Variants in SCAMP4 observed in about 807,000 individuals in gnomAD.
SCAMP4 encodes secretory carrier membrane protein 4.
SCAMP4 carries 19 observed loss-of-function variants against 32.1 expected under a neutral mutation model. The ratio of observed to expected loss-of-function variants is 0.59; its 90% CI spans 0.41 to 0.87. The LOEUF is 0.87. SCAMP4 is among the 40% of genes least tolerant of loss of function. The probability of loss-of-function intolerance (pLI) is 0.00; values close to 1 mark genes in which losing one functional copy is unlikely to be tolerated. For missense variants in SCAMP4, 302 were observed against 309.0 expected (o/e 0.98, Z 0.17); for synonymous variants, 152 against 132.7 (o/e 1.15, Z -1.00).
chr19:1,917,732 C>T lies in SCAMP4; in HGVS notation c.46C>T (p.Pro16Ser). 2 of 1,614,034 alleles carry T rather than the reference C, an allele frequency of 1.2e-6. No homozygotes were observed. The highest frequency in any genetic ancestry group is 1.7e-6 in the Non-Finnish European group (2 of 1,179,882). Residue 16 changes from proline (P) to serine (S), a missense_variant, in exon 3 of 7, where the codon CCT (proline) becomes TCT (serine). Transcript: ENST00000316097. ...CTTCCCGCCACTGCCCAAGTTCATC[C>T]CTGTGAAGCCCTGCTTCTACCAGAA... ...NNFPPLPKFI[P>S]VKPCFYQNFS...
chr19:1,910,033 C>T (rs977507842), intron 1 of SCAMP4, among the ~76,000 whole-genome samples: 6 of 152,200 alleles, frequency 3.9e-5, no homozygotes, highest in African/African-American at 7.2e-5. Context: ...GAGGGGGCCC[C>T]GTGTCCCCCA....
intron 1 of SCAMP4, chr19:1,912,461 A>G (rs1230347077): frequency 2.3e-5 from 35 of 1,504,810 alleles, no homozygotes; most frequent in Non-Finnish European, 2.9e-5. Flanking sequence ...GCCTGGGGCA[A>G]CCCTTCCTGG....
chr19:1,924,291 C>T lies in SCAMP4; in HGVS notation c.*7C>T, dbSNP rs759102301. ...CAGTGGCCAGTGGCCTTAGAGGGAG[C>T]CTGCCCTGCCCCCACCGCCCACCAC... On this transcript the variant is annotated 3_prime_UTR_variant, in exon 7 of 7. Coordinates refer to ENST00000316097, the MANE Select transcript of SCAMP4 (RefSeq NM_079834.4). 1 of 1,578,378 alleles carries T rather than the reference C, an allele frequency of 6.3e-7. No homozygotes were observed. Among genetic ancestry groups the T allele is most frequent in the African/African-American group, 1.3e-5 (1 of 74,272 alleles).
chr19:1,923,050 C>G lies in SCAMP4; in HGVS notation c.396-20C>G. The G allele has an allele frequency of 6.5e-7, 1 of 1,529,878 alleles. No individual in the cohort carries two copies. The highest frequency in any genetic ancestry group is 1.2e-5 in the South Asian group (1 of 81,776). 94.8% of individuals were successfully genotyped at this position (1,529,878 alleles called of 1,614,324 possible). On this transcript the variant is annotated intron_variant, in intron 5 of 6. Coordinates refer to ENST00000316097, the MANE Select transcript of SCAMP4 (RefSeq NM_079834.4). ...TCCAGCAGGTGTGCAGGCACCCACG[C>G]ACTCTCTTGTCCCTTGCAGCGGCTG...
chr19:1,919,584 C>T, intron 5 of SCAMP4: 1 of 431,498 alleles, frequency 2.3e-6, no homozygotes, highest in Non-Finnish European at 3.1e-6. Context: ...GCAACCTCCA[C>T]ATCCTGGGTT....
chr19:1,913,139 C>A, intron 1 of SCAMP4: 2 of 1,560,274 alleles, frequency 1.3e-6, no homozygotes, highest in Admixed American at 1.9e-5. Flanking sequence ...GCTGGCTGGA[C>A]CCCGACACGT....
At chr19:1,919,311 G>A (rs2013843455) in intron 5 of SCAMP4, 1 of 1,195,484 alleles carries the variant, frequency 8.4e-7, no homozygotes, top group Non-Finnish European at 1.0e-6. Context: ...CGGGGTCTGG[G>A]AGCCAGTTCC....
At chr19:1,913,076 C>T (rs1028030248) in intron 1 of SCAMP4, 3 of 1,601,592 alleles carry the variant, frequency 1.9e-6, no homozygotes, top group Non-Finnish European at 2.5e-6. Context: ...ACGCACGGCC[C>T]GACCTCAACC....
intron 5 of SCAMP4, chr19:1,919,274 TC>T: frequency 2.3e-6 from 3 of 1,288,870 alleles, no homozygotes; most frequent in Non-Finnish European, 3.0e-6. Flanking sequence ...CAGGCTTGTC[TC>T]CTGAGTGTTG....
intron 1 of SCAMP4, among the ~76,000 whole-genome samples, chr19:1,910,003 C>T (rs1457305680): frequency 6.6e-6 from 1 of 152,226 alleles, no homozygotes; most frequent in African/African-American, 2.4e-5. Context: ...GTGTCAGTGC[C>T]AGGCTGTGTG....
At chr19:1,914,860 C>T in intron 1 of SCAMP4, 119 bp from the exon 2 acceptor site, 2 of 803,680 alleles carry the variant, frequency 2.5e-6, no homozygotes, top group South Asian at 2.9e-5. Flanking sequence ...CCCGCTTAGC[C>T]CACTGCTGTT....
In SCAMP4 at chr19:1,908,382, T is replaced by A; in HGVS notation, c.-42+2943T>A. 4.9e-6 allele frequency: 2 copies of A among 407,286 alleles called. No homozygotes were observed. Among genetic ancestry groups the A allele is most frequent in the Non-Finnish European group, 1.0e-5 (2 of 196,284 alleles). 25.2% of individuals were successfully genotyped at this position (407,286 alleles called of 1,614,324 possible). On this transcript the variant is annotated intron_variant, in intron 1 of 6. Transcript: ENST00000316097. The surrounding 1 kb of genome is among the most constrained non-coding windows in gnomAD (Gnocchi z 4.2). ...TTCCACTGGCTGCTGGTCCCCCATC[T>A]GTGGGGCGCCCCGGCGGCTGAGGCG...
intron 1 of SCAMP4, among the ~76,000 whole-genome samples, chr19:1,909,581 C>T (rs1341075891): frequency 4.0e-5 from 4 of 99,808 alleles, no homozygotes; most frequent in Admixed American, 2.3e-4. Context: ...TTCACCTGTG[C>T]CAGCAGCAGG....
At position 1,908,606 on chromosome 19, in the gene SCAMP4, T is replaced by C; in HGVS notation, c.-42+3167T>C. On this transcript the variant is annotated intron_variant, in intron 1 of 6. Transcript: ENST00000316097. This position sits in a 1 kb window ranked among gnomAD's most constrained non-coding sequence, Gnocchi z 4.2. ...GCCCCAGCACCATCTGAGGCAGTAC[T>C]GTCTGCTAGAAATAACTGTGAGCAC... The C allele has an allele frequency of 2.1e-6, 1 of 470,826 alleles. No homozygotes were observed. The highest frequency in any genetic ancestry group is 4.4e-6 in the Non-Finnish European group (1 of 226,946). 29.2% of individuals were successfully genotyped at this position (470,826 alleles called of 1,614,324 possible). A position where few individuals can be genotyped will look rare whatever the true frequency, so the allele number is the denominator to read the frequency against.
chr19:1,911,994 A>C lies in SCAMP4; in HGVS notation c.-41-2985A>C, dbSNP rs2013475751. 5 of 1,413,182 alleles carry C rather than the reference A, an allele frequency of 3.5e-6. 1 individual carries two copies. The South Asian group carries it at 7.7e-5, about 22-fold the overall frequency. 87.5% of individuals were successfully genotyped at this position (1,413,182 alleles called of 1,614,324 possible). On this transcript the variant is annotated intron_variant, in intron 1 of 6. Transcript: ENST00000316097. Reference sequence around the variant, plus strand: ...GCAGCACGCCCTGCCTTGTGGAGCCACGGCCTCCCGGGACGGACTCCCCGG... The same window carrying C: ...GCAGCACGCCCTGCCTTGTGGAGCCCCGGCCTCCCGGGACGGACTCCCCGG...
intron 1 of SCAMP4, chr19:1,912,372 C>G: frequency 6.6e-7 from 1 of 1,523,986 alleles, no homozygotes; most frequent in Non-Finnish European, 8.7e-7. Flanking sequence ...CCTGGAGATG[C>G]TGCTTTGCCT....
At chr19:1,921,403 A>G in intron 5 of SCAMP4, 1 of 983,486 alleles carries the variant, frequency 1.0e-6, no homozygotes, top group Non-Finnish European at 1.2e-6. Flanking sequence ...GTAGATGGTG[A>G]GGGTGGCCAC....
intron 1 of SCAMP4, among the ~76,000 whole-genome samples, chr19:1,910,928 G>A (rs779648902): frequency 1.3e-5 from 2 of 149,428 alleles, no homozygotes; most frequent in African/African-American, 2.5e-5. Flanking sequence ...GTGCAGTGGC[G>A]CGATCTCGGC....
At chr19:1,922,293 T>G in intron 5 of SCAMP4, 1 of 980,352 alleles carries the variant, frequency 1.0e-6, no homozygotes, top group Non-Finnish European at 1.2e-6. Context: ...AGAATCTTGC[T>G]CTGTCCCCCA....
Sources: allele counts gnomAD v4.1 joint callset (sites outside exome capture counted in the v4.1 genomes callset), GRCh38; gene constraint gnomAD v4.1.1; non-coding constraint Gnocchi (gnomAD v3.1); transcripts MANE v1.5; gene names NCBI Gene and HGNC (gene_info 2026-07-23, HGNC 2026-07-21).